The following PLEKHG1 variants were observed in gnomAD, a reference collection of about 807,000 sequenced individuals.
The protein encoded by PLEKHG1 is pleckstrin homology and RhoGEF domain containing G1, also known as pleckstrin homology domain-containing family G member 1.
Under a neutral mutation model 100.8 loss-of-function variants are expected in PLEKHG1, and 44 were observed. The observed-to-expected ratio is 0.44, with a 90% CI of 0.34 to 0.56. The LOEUF is 0.56. Ranked by LOEUF, PLEKHG1 falls within the 20% of genes least tolerant of loss-of-function variation. The pLI is 0.01. For synonymous variants in PLEKHG1, 640 were observed against 662.5 expected, an observed-to-expected ratio of 0.97 and a Z score of 0.52; for missense variants, 1,545 against 1,720.9, an observed-to-expected ratio of 0.90 and a Z score of 1.81.
intron 3 of PLEKHG1, among the ~76,000 whole-genome samples, chr6:150,774,395 A>G (rs1022991966): frequency 2.0e-5 from 3 of 152,120 alleles, no homozygotes; most frequent in African/African-American, 4.8e-5. Context: ...TAATAAAGTT[A>G]GCATATGATT....
At chr6:150,811,987 C>T (rs1191400877) in intron 10 of PLEKHG1, among the ~76,000 whole-genome samples, 1 of 152,134 alleles carries the variant, frequency 6.6e-6, no homozygotes, top group East Asian at 1.9e-4. Context: ...GCCGTGGAGC[C>T]ACAGCGACAG....
chr6:150,642,935 A>G (rs947807356), intron 2 of PLEKHG1, among the ~76,000 whole-genome samples: 9 of 145,358 alleles, frequency 6.2e-5, no homozygotes, highest in South Asian at 2.3e-4. Flanking sequence ...AGTGAAGCTC[A>G]TTCATTGAAG....
chr6:150,793,620 G>A (rs1786122939), intron 4 of PLEKHG1, among the ~76,000 whole-genome samples: 1 of 152,182 alleles, frequency 6.6e-6, no homozygotes, highest in Non-Finnish European at 1.5e-5. Flanking sequence ...TCACAGAAGA[G>A]AGACAACCAG....
intron 7 of PLEKHG1, among the ~76,000 whole-genome samples, chr6:150,806,263 G>A (rs938062511): frequency 1.4e-4 from 13 of 94,562 alleles, no homozygotes; most frequent in Non-Finnish European, 2.2e-4. Flanking sequence ...AGCAACAAAA[G>A]TTTAATACTT....
At chr6:150,686,471 G>A (rs1477516000) in intron 3 of PLEKHG1, among the ~76,000 whole-genome samples, 1 of 152,114 alleles carries the variant, frequency 6.6e-6, no homozygotes, top group Admixed American at 6.6e-5. Flanking sequence ...TACATGCCCC[G>A]CCTCAGCCCT....
chr6:150,632,854 T>G (rs1777819957), intron 1 of PLEKHG1: 1 of 152,238 alleles, frequency 6.6e-6, no homozygotes, highest in Non-Finnish European at 1.5e-5. Context: ...CCAAAAAGTT[T>G]CTGGGGAAAC....
intron 10 of PLEKHG1, among the ~76,000 whole-genome samples, chr6:150,815,535 A>C (rs1267752198): frequency 1.3e-5 from 2 of 152,238 alleles, no homozygotes; most frequent in Non-Finnish European, 2.9e-5. Context: ...CTGTAATTGC[A>C]CTTCCCAGAG....
chr6:150,774,879 T>TA (rs918316039), intron 3 of PLEKHG1, among the ~76,000 whole-genome samples: 1 of 151,976 alleles, frequency 6.6e-6, no homozygotes, highest in African/African-American at 2.4e-5. Context: ...TTTTTAAAAT[T>TA]AAAAAAAATT....
intron 2 of PLEKHG1, among the ~76,000 whole-genome samples, chr6:150,766,517 G>T (rs77512097): frequency 6.6e-6 from 1 of 152,156 alleles, no homozygotes; most frequent in South Asian, 2.1e-4. Context: ...TATGATCAGT[G>T]GGGGGGAACA....
chr6:150,712,274 A>G (rs4869940), intron 3 of PLEKHG1, among the ~76,000 whole-genome samples: 69,800 of 151,910 alleles, frequency 0.46, 16,450 homozygotes, highest in Admixed American at 0.54. Context: ...CAAACTATTG[A>G]TGCCTCTAGC....
In PLEKHG1 at chr6:150,721,614, G is replaced by A. The variant is rs79107992; in HGVS notation, c.-99+414G>A. Among the ~76,000 whole-genome samples the A allele has an allele frequency of 3.0e-3, 459 of 152,240 alleles. 2 individuals are homozygous for A. The highest frequency in any genetic ancestry group is 0.01 in the African/African-American group (434 of 41,542). On this transcript the variant is annotated intron_variant, in intron 1 of 15. Transcript: ENST00000358517. ...TTGAGGTTCATATGCAGTCAAAGTT[G>A]GAGGAACAAAATAAATGTTTGCAAA...
chr6:150,649,532 T>A (rs1012036580), intron 2 of PLEKHG1, among the ~76,000 whole-genome samples: 1 of 152,356 alleles, frequency 6.6e-6, no homozygotes, highest in Admixed American at 6.5e-5. Flanking sequence ...CACTTTTTTT[T>A]AATTTTAAAA....
intron 2 of PLEKHG1, among the ~76,000 whole-genome samples, chr6:150,638,654 T>G (rs1778120202): frequency 6.6e-6 from 1 of 152,198 alleles, no homozygotes; most frequent in Non-Finnish European, 1.5e-5. Flanking sequence ...CAGGTACCCC[T>G]TGTGTAACAA....
intron 7 of PLEKHG1, among the ~76,000 whole-genome samples, chr6:150,807,706 G>A (rs1348876379): frequency 6.6e-6 from 1 of 152,174 alleles, no homozygotes; most frequent in Non-Finnish European, 1.5e-5. Flanking sequence ...AGGCGCCGGG[G>A]CTCACACCTA....
intron 5 of PLEKHG1, 52 bp from the exon 7 acceptor site, chr6:150,800,667 A>G (rs1786638569): frequency 7.7e-6 from 12 of 1,550,822 alleles, no homozygotes; most frequent in Non-Finnish European, 1.1e-5. Context: ...TAAAATTTGA[A>G]TACCCACATA....
chr6:150,654,349 C>T (rs1363055047), intron 3 of PLEKHG1, among the ~76,000 whole-genome samples: 1 of 152,214 alleles, frequency 6.6e-6, no homozygotes, highest in African/African-American at 2.4e-5. Context: ...CTAGATTTTG[C>T]CATTGCTCAG....
intron 1 of PLEKHG1, among the ~76,000 whole-genome samples, chr6:150,722,665 T>C (rs1385742220): frequency 6.6e-6 from 1 of 152,220 alleles, no homozygotes; most frequent in African/African-American, 2.4e-5. Context: ...TCCTCCTTTT[T>C]TAAAAGAACA....
chr6:150,617,470 A>G (rs1297519946), intron 1 of PLEKHG1, among the ~76,000 whole-genome samples: 2 of 152,218 alleles, frequency 1.3e-5, no homozygotes, highest in African/African-American at 4.8e-5. Context: ...GGCAGAATCC[A>G]CTTGTACTTT....
chr6:150,734,894 T>C (rs1782480425), intron 2 of PLEKHG1, among the ~76,000 whole-genome samples: 2 of 152,094 alleles, frequency 1.3e-5, no homozygotes, highest in Admixed American at 1.3e-4. Context: ...TGGGTCGTTT[T>C]AAAGGATAAA....
Sources: allele counts gnomAD v4.1 joint callset (sites outside exome capture counted in the v4.1 genomes callset), GRCh38; gene constraint gnomAD v4.1.1; transcripts MANE v1.5; gene names NCBI Gene and HGNC (gene_info 2026-07-23, HGNC 2026-07-21).